The following FAM227B variants were observed in gnomAD, a reference collection of about 807,000 sequenced individuals.
The protein encoded by FAM227B is family with sequence similarity 227 member B.
FAM227B carries 88 observed loss-of-function variants against 73.8 expected under a neutral mutation model. That is an observed-to-expected ratio of 1.19 (90% CI 1.00 to 1.42). FAM227B has a LOEUF of 1.42. Among genes scored for constraint, FAM227B ranks in the 40% most tolerant of loss-of-function variants. The pLI is 0.00. For synonymous variants in FAM227B, 210 were observed against 190.5 expected (o/e 1.10, Z -0.84); for missense variants, 632 against 590.9 (o/e 1.07, Z -0.72).
At chr15:49,575,594 G>T (rs2075393292) in intron 7 of FAM227B, among the ~76,000 whole-genome samples, 1 of 151,724 alleles carries the variant, frequency 6.6e-6, no homozygotes, top group Non-Finnish European at 1.5e-5. Context: ...GTAGTTAAAA[G>T]AAATACAATA....
rs529165349 is a variant in FAM227B, at chr15:49,354,582, G to A, written c.1271+12866C>T. Among the ~76,000 whole-genome samples the A allele has an allele frequency of 2.0e-5, 3 of 152,320 alleles. No individual in the cohort carries two copies. The South Asian group carries it at 6.2e-4, about 32-fold the overall frequency. ...ACCACGAGATTATATCCCGCACCTG[G>A]CTGGAAGGGTCCTACGCCCACGGAG... On this transcript the variant is annotated intron_variant, in intron 13 of 15. Transcript: ENST00000299338.
intron 13 of FAM227B, among the ~76,000 whole-genome samples, chr15:49,356,336 C>G (rs2043164023): frequency 6.7e-6 from 1 of 150,286 alleles, no homozygotes; most frequent in African/African-American, 2.4e-5. Flanking sequence ...ATTCAGGAAA[C>G]CCATCTCATG....
At chr15:49,536,512 C>A (rs938398197) in intron 10 of FAM227B, among the ~76,000 whole-genome samples, 7 of 151,810 alleles carry the variant, frequency 4.6e-5, no homozygotes, top group African/African-American at 1.7e-4. Flanking sequence ...AATGTCAACA[C>A]AATCTCTAAC....
chr15:49,495,058 A>G (rs2152070662), intron 11 of FAM227B, among the ~76,000 whole-genome samples: 1 of 152,286 alleles, frequency 6.6e-6, no homozygotes, highest in East Asian at 1.9e-4. Flanking sequence ...TCTCCATAAC[A>G]CAGCATTTTA....
chr15:49,565,094 T>C (rs774474666), intron 9 of FAM227B, among the ~76,000 whole-genome samples: 1 of 152,050 alleles, frequency 6.6e-6, no homozygotes, highest in Non-Finnish European at 1.5e-5. Flanking sequence ...ATTAAAATCA[T>C]AATCAGAGGC....
At chr15:49,589,612 AAC>A (rs1286018743) in intron 4 of FAM227B, among the ~76,000 whole-genome samples, 162 bp downstream of exon 4, 1 of 148,590 alleles carries the variant, frequency 6.7e-6, no homozygotes, top group Non-Finnish European at 1.5e-5. Context: ...TTACTTTACT[AAC>A]ACAAAAAATA....
chr15:49,328,540 CT>C lies in FAM227B; in HGVS notation c.*27del. 6.2e-7 allele frequency: 1 copy of C among 1,606,784 alleles called. No homozygotes were observed. Among genetic ancestry groups the C allele is most frequent in the African/African-American group, 1.3e-5 (1 of 74,950 alleles). ...ATACCACTGAATTGTATGCATTATT[CT>C]TGAATAGAGTTCATTTCTGGTTTCT... On this transcript the variant is annotated 3_prime_UTR_variant, in exon 16 of 16. Transcript: ENST00000299338.
chr15:49,380,659 G>A (rs1249432522), intron 11 of FAM227B, among the ~76,000 whole-genome samples: 1 of 152,108 alleles, frequency 6.6e-6, no homozygotes, highest in African/African-American at 2.4e-5. Context: ...TGGTAGTTAT[G>A]TAAATTGGCT....
At chr15:49,556,704 G>A (rs73404129) in intron 9 of FAM227B, among the ~76,000 whole-genome samples, 4,347 of 152,240 alleles carry the variant, frequency 0.029, 216 homozygotes, top group African/African-American at 0.1. Context: ...GCCCATCTCC[G>A]AGGCAAGGAT....
intron 10 of FAM227B, among the ~76,000 whole-genome samples, chr15:49,509,797 A>T (rs975139007): frequency 2.0e-5 from 3 of 152,158 alleles, no homozygotes; most frequent in African/African-American, 7.2e-5. Context: ...ATTTCCTAGG[A>T]AATTGTTATC....
At chr15:49,456,424 AT>A (rs2053295615) in intron 11 of FAM227B, among the ~76,000 whole-genome samples, 1 of 152,158 alleles carries the variant, frequency 6.6e-6, no homozygotes, top group Admixed American at 6.5e-5. Flanking sequence ...AGGAAGGTTA[AT>A]GTAAAATGTA....
Position 49,328,254 on chromosome 15 carries a change from A to G in FAM227B, c.*314T>C. The stretch of plus-strand genomic sequence containing the variant: ...TAAATTAATCTTCCTTCTGTTTTGT[A>G]TTATGATGAACGGTTGCTATTATAT... On this transcript the variant is annotated 3_prime_UTR_variant, in exon 16 of 16. Transcript: ENST00000299338. The G allele has an allele frequency of 6.8e-7, 1 of 1,480,926 alleles. No individual in the cohort carries two copies. The highest frequency in any genetic ancestry group is 9.0e-7 in the Non-Finnish European group (1 of 1,114,930). The allele number at this position is 1,480,926 out of a possible 1,614,324, so 91.7% of individuals were successfully genotyped here.
intron 11 of FAM227B, among the ~76,000 whole-genome samples, chr15:49,413,891 T>A (rs1265861281): frequency 6.6e-6 from 1 of 151,566 alleles, no homozygotes; most frequent in East Asian, 1.9e-4. Context: ...TGATTTCTTC[T>A]CATGTATCAG....
At chr15:49,463,683 A>G (rs2054006914) in intron 11 of FAM227B, among the ~76,000 whole-genome samples, 1 of 152,212 alleles carries the variant, frequency 6.6e-6, no homozygotes, top group African/African-American at 2.4e-5. Flanking sequence ...TTAACCCCCA[A>G]ATGCCACAGT....
chr15:49,574,421 A>C (rs2075316767), intron 8 of FAM227B, among the ~76,000 whole-genome samples: 1 of 152,100 alleles, frequency 6.6e-6, no homozygotes, highest in Non-Finnish European at 1.5e-5. Context: ...ATGTTCTCGT[A>C]ATAGTCAGTG....
At chr15:49,502,603 C>G (rs1297870474) in intron 11 of FAM227B, among the ~76,000 whole-genome samples, 1 of 152,192 alleles carries the variant, frequency 6.6e-6, no homozygotes, top group Non-Finnish European at 1.5e-5. Flanking sequence ...ACCTTACAGG[C>G]TCATAGGCGG....
intron 1 of FAM227B, among the ~76,000 whole-genome samples, chr15:49,618,971 C>T (rs1044047031): frequency 3.9e-5 from 6 of 152,140 alleles, no homozygotes; most frequent in African/African-American, 1.4e-4. Flanking sequence ...GGCCTTGGGA[C>T]TAAATTCTGG....
chr15:49,556,768 A>G lies in FAM227B; in HGVS notation c.747+11477T>C, dbSNP rs946774774. On this transcript the variant is annotated intron_variant, in intron 9 of 15. Transcript: ENST00000299338. ...CCCTAAAATGAAAGTCTCCTAGGGTAGCATGGCAAGCCTTCAGGTATGGGT... is the reference window on the plus strand; with the variant it reads ...CCCTAAAATGAAAGTCTCCTAGGGTGGCATGGCAAGCCTTCAGGTATGGGT... 9.9e-5 allele frequency among the ~76,000 whole-genome samples: 15 copies of G among 152,224 alleles called. 1 individual carries two copies. The highest frequency in any genetic ancestry group is 9.2e-4 in the Admixed American group (14 of 15,290).
chr15:49,330,434 G>C (rs959534790), intron 15 of FAM227B: 7 of 152,166 alleles, frequency 4.6e-5, no homozygotes, highest in Non-Finnish European at 8.8e-5. Context: ...AGCAGTATCA[G>C]ATATTCTGGA....
Sources: gnomAD v4.1 joint callset for allele counts (sites outside exome capture counted in the v4.1 genomes callset) on GRCh38, gnomAD v4.1.1 for gene constraint, MANE v1.5 for transcripts, NCBI Gene and HGNC (gene_info 2026-07-23, HGNC 2026-07-21) for gene names.